MAP4K3: variants seen among roughly 807,000 people sequenced by gnomAD.
The protein encoded by MAP4K3 is mitogen-activated protein kinase kinase kinase kinase 3, also known as MAPK/ERK kinase kinase kinase 3.
In MAP4K3, 94 loss-of-function variants were observed where a neutral mutation model predicts 143.5. The observed-to-expected ratio is 0.65, with a 90% confidence interval of 0.55 to 0.78. MAP4K3 has a LOEUF of 0.78. MAP4K3 is among the 30% of genes least tolerant of loss of function. The pLI, the probability that MAP4K3 is intolerant of heterozygous loss-of-function variation, is 0.00. For synonymous variants in MAP4K3, 416 were observed against 347.2 expected, an observed-to-expected ratio of 1.20 and a Z score of -2.20; for missense variants, 1,077 against 1,068.1, an observed-to-expected ratio of 1.01 and a Z score of -0.12.
intron 22 of MAP4K3, among the ~76,000 whole-genome samples, chr2:39,280,637 G>A (rs1681477576): frequency 6.6e-6 from 1 of 151,868 alleles, no homozygotes; most frequent in Non-Finnish European, 1.5e-5. Context: ...GCAATAATAG[G>A]AACCAATTCT....
At chr2:39,312,605 T>G (rs1427884244) in intron 13 of MAP4K3, among the ~76,000 whole-genome samples, 1 of 152,198 alleles carries the variant, frequency 6.6e-6, no homozygotes, top group East Asian at 1.9e-4. Context: ...CTGTAATATC[T>G]CCAGTTATGT....
intron 1 of MAP4K3, among the ~76,000 whole-genome samples, chr2:39,381,339 T>G (rs1666351492): frequency 6.6e-6 from 1 of 152,244 alleles, no homozygotes; most frequent in African/African-American, 2.4e-5. Flanking sequence ...TAAATTCTTT[T>G]TAAATTGTTA....
chr2:39,310,030 T>C (rs111704859), intron 13 of MAP4K3, among the ~76,000 whole-genome samples: 48 of 152,304 alleles, frequency 3.2e-4, no homozygotes, highest in African/African-American at 1.2e-3. Flanking sequence ...ATGCGATATT[T>C]TGATACACGT....
chr2:39,391,473 G>C (rs1441254560), intron 1 of MAP4K3, among the ~76,000 whole-genome samples: 4 of 150,670 alleles, frequency 2.7e-5, no homozygotes, highest in Non-Finnish European at 5.9e-5. Flanking sequence ...CTGTGGCAAA[G>C]AAAACCATTT....
chr2:39,431,040 C>A (rs1387584246), intron 1 of MAP4K3, among the ~76,000 whole-genome samples: 1 of 152,130 alleles, frequency 6.6e-6, no homozygotes, highest in Non-Finnish European at 1.5e-5. Context: ...TCTGGGGATA[C>A]AGCAATGAAC....
At chr2:39,410,601 T>TC (rs1480548719) in intron 1 of MAP4K3, among the ~76,000 whole-genome samples, 1 of 152,148 alleles carries the variant, frequency 6.6e-6, no homozygotes, top group Non-Finnish European at 1.5e-5. Context: ...GTATTTCTCT[T>TC]CCACAGACAA....
chr2:39,331,781 A>C (rs1683689821), intron 8 of MAP4K3, 136 bp downstream of exon 8: 1 of 491,652 alleles, frequency 2.0e-6, no homozygotes, highest in East Asian at 2.9e-5. Context: ...ATAAGTGTAC[A>C]TGCCTGAATT....
chr2:39,288,430 C>T, intron 19 of MAP4K3, 150 bp from the exon 20 acceptor site: 2 of 611,062 alleles, frequency 3.3e-6, no homozygotes, highest in East Asian at 2.8e-5. Flanking sequence ...CCATCCAATT[C>T]AGACTATCTT....
At chr2:39,303,312 T>C (rs1682579292) in intron 15 of MAP4K3, among the ~76,000 whole-genome samples, 1 of 152,202 alleles carries the variant, frequency 6.6e-6, no homozygotes, top group African/African-American at 2.4e-5. Context: ...TATTTTTTAT[T>C]TCTTAAAAAG....
intron 12 of MAP4K3, among the ~76,000 whole-genome samples, chr2:39,322,424 G>C (rs1442945161): frequency 6.6e-6 from 1 of 152,024 alleles, no homozygotes; most frequent in South Asian, 2.1e-4. Context: ...CATAGTAAGT[G>C]GGCTTACATA....
intron 7 of MAP4K3, 129 bp downstream of exon 7, chr2:39,333,403 G>A (rs535377206): frequency 1.5e-5 from 10 of 676,086 alleles, no homozygotes; most frequent in South Asian, 1.4e-4. Flanking sequence ...GCATGGCAAC[G>A]AGATTTCCAT....
chr2:39,308,367 G>A (rs1449559966), intron 14 of MAP4K3, among the ~76,000 whole-genome samples: 1 of 152,072 alleles, frequency 6.6e-6, no homozygotes, highest in African/African-American at 2.4e-5. Flanking sequence ...ATTACAATAT[G>A]ATCATTTTAA....
chr2:39,387,729 A>G (rs1250627238), intron 1 of MAP4K3, among the ~76,000 whole-genome samples: 2 of 152,372 alleles, frequency 1.3e-5, no homozygotes, highest in Admixed American at 6.5e-5. Context: ...AGAAAAGAGC[A>G]GATCTCCAAG....
At chr2:39,365,751 A>G (rs1224984762) in intron 2 of MAP4K3, among the ~76,000 whole-genome samples, 1 of 152,110 alleles carries the variant, frequency 6.6e-6, no homozygotes, top group Admixed American at 6.6e-5. Context: ...GCCCATAGTA[A>G]TTTTTAAAAT....
At chr2:39,377,861 A>G (rs184123587) in intron 2 of MAP4K3, among the ~76,000 whole-genome samples, 21 of 152,292 alleles carry the variant, frequency 1.4e-4, no homozygotes, top group South Asian at 4.1e-4. Flanking sequence ...TCCTCCCCCA[A>G]TTATCAGTTA....
In MAP4K3 at chr2:39,319,243, A is replaced by T. The variant is rs544389522; in HGVS notation, c.919-3855T>A. Among the ~76,000 whole-genome samples the T allele has an allele frequency of 3.3e-5, 5 of 149,684 alleles. 1 individual carries two copies. Among genetic ancestry groups the T allele is most frequent in the South Asian group, 4.2e-4 (2 of 4,732 alleles). On this transcript the variant is annotated intron_variant, in intron 12 of 33. Transcript: ENST00000263881. Reference sequence around the variant, plus strand: ...TCAATTACATACTTTTTTTTTTTTTAAACCACAACTACAAAGAACCTCCTT... The same window carrying T: ...TCAATTACATACTTTTTTTTTTTTTTAACCACAACTACAAAGAACCTCCTT...
chr2:39,325,554 A>C lies in MAP4K3; in HGVS notation c.882T>G (p.His294Gln). 1 of 1,612,914 alleles carries C rather than the reference A, an allele frequency of 6.2e-7. No homozygotes were observed. Among genetic ancestry groups the C allele is most frequent in the South Asian group, 1.1e-5 (1 of 91,014 alleles). ...CATCATCGAAATCATGGTAAGTGGA[A>C]TGATCTGGATTATTTACTTTATCCA... Reference protein sequence around the residue: ...ELLDKVNNPDHSTYHDFDDDD... With the variant: ...ELLDKVNNPDQSTYHDFDDDD... Residue 294 changes from histidine (H) to glutamine (Q), a missense_variant, in exon 12 of 34, where the codon CAT becomes CAG. His to Gln is a conservative substitution (Grantham distance 24, BLOSUM62 0). Coordinates refer to ENST00000263881, the MANE Select transcript of MAP4K3 (RefSeq NM_003618.4).
chr2:39,326,371 T>G (rs1683490462), intron 8 of MAP4K3, 94 bp from the exon 9 acceptor site: 1 of 1,389,306 alleles, frequency 7.2e-7, no homozygotes. Flanking sequence ...CTATCTAAAT[T>G]AAGGCCTCTT....
intron 4 of MAP4K3, among the ~76,000 whole-genome samples, chr2:39,341,163 C>T (rs1225020940): frequency 1.3e-5 from 2 of 152,072 alleles, no homozygotes; most frequent in Non-Finnish European, 2.9e-5. Flanking sequence ...GAGATAAGAA[C>T]AGATTACCTG....
Sources: gnomAD v4.1 joint callset for allele counts (sites outside exome capture counted in the v4.1 genomes callset) on GRCh38, gnomAD v4.1.1 for gene constraint, MANE v1.5 for transcripts, NCBI Gene and HGNC (gene_info 2026-07-23, HGNC 2026-07-21) for gene names.